Variants in TPPP observed in about 807,000 individuals in gnomAD.
TPPP encodes tubulin polymerization-promoting protein.
Under a neutral mutation model 15.5 loss-of-function variants are expected in TPPP, and 6 were observed. That is an observed-to-expected ratio of 0.39 (90% confidence interval 0.21 to 0.77). TPPP has a LOEUF of 0.77. Among genes scored for constraint, TPPP ranks in the 30% least tolerant of loss-of-function variants. The probability of loss-of-function intolerance (pLI) is 0.42; values close to 1 mark genes in which losing one functional copy is unlikely to be tolerated. For missense variants in TPPP, 269 were observed against 307.2 expected (o/e 0.88, Z 0.93); for synonymous variants, 146 against 133.9 (o/e 1.09, Z -0.63).
At position 664,801 on chromosome 5, in the gene TPPP, A is replaced by C; in HGVS notation, c.*301T>G. 1 of 350,164 alleles carries C rather than the reference A, an allele frequency of 2.9e-6. No homozygotes were observed. The highest frequency in any genetic ancestry group is 2.1e-5 in the African/African-American group (1 of 47,900). The allele number at this position is 350,164 out of a possible 1,614,324, so 21.7% of individuals were successfully genotyped here. On this transcript the variant is annotated 3_prime_UTR_variant, in exon 4 of 4. Coordinates refer to ENST00000360578, the MANE Select transcript of TPPP (RefSeq NM_007030.3). ...CCAGCTGCTTTAAAACGCCCCTTTG[A>C]CCTGCAAACCACGTGCCCAGTGTGG...
intron 2 of TPPP, among the ~76,000 whole-genome samples, chr5:670,794 G>A (rs77015126): frequency 0.13 from 19,133 of 152,256 alleles, 1,507 homozygotes; most frequent in Non-Finnish European, 0.18. Context: ...TCCCGGGGCC[G>A]ACAGAGGTCG....
At position 659,928 on chromosome 5, in the gene TPPP, CAGG is replaced by C. The variant is rs1739510399; in HGVS notation, c.*5171_*5173del. 1 of 152,400 alleles carries C rather than the reference CAGG, an allele frequency of 6.6e-6. No individual in the cohort carries two copies. Among genetic ancestry groups the C allele is most frequent in the Non-Finnish European group, 1.5e-5 (1 of 68,064 alleles). 9.4% of individuals were successfully genotyped at this position (152,400 alleles called of 1,614,324 possible). ...CACACAATGTTAACGACAGCAGACA[CAGG>C]AGCAGTGTGCACACAGACACGAGCT... On this transcript the variant is annotated 3_prime_UTR_variant, in exon 4 of 4. Transcript: ENST00000360578.
At chr5:694,666 TG>T (rs1484117980), upstream of TPPP, among the ~76,000 whole-genome samples, 1 of 51,688 alleles carries the variant, frequency 1.9e-5, no homozygotes, top group African/African-American at 4.9e-5. Flanking sequence ...CACTCGCAGC[TG>T]GGAAGTCGGG....
chr5:666,250 G>T, intron 2 of TPPP, 127 bp from the exon 3 acceptor site: 2 of 1,070,244 alleles, frequency 1.9e-6, no homozygotes, highest in East Asian at 2.5e-5. Flanking sequence ...ACAGGCGGCC[G>T]CCCTGGTAGC....
intron 3 of TPPP, 149 bp from the exon 4 acceptor site, chr5:665,445 AT>A: frequency 1.4e-6 from 1 of 736,502 alleles, no homozygotes. Context: ...TTTAATTCTT[AT>A]TTTTACCTCT....
At chr5:672,676 C>T (rs1214335196) in intron 2 of TPPP, among the ~76,000 whole-genome samples, 5 of 152,330 alleles carry the variant, frequency 3.3e-5, no homozygotes, top group East Asian at 1.9e-4. Context: ...TCCCCAGGCT[C>T]GAGGAGGCGC....
intron 2 of TPPP, among the ~76,000 whole-genome samples, chr5:674,172 GC>G (rs1740323792): frequency 1.3e-5 from 2 of 152,196 alleles, no homozygotes; most frequent in Non-Finnish European, 1.5e-5. Flanking sequence ...ACACCGCTTT[GC>G]CCCGGGTCTG....
rs1321240467 is a variant in TPPP, at chr5:682,647, G to A, written c.-4-4583C>T. On this transcript the variant is annotated intron_variant, in intron 1 of 3. Transcript: ENST00000360578. Reference sequence around the variant, plus strand: ...ACTAGCGCCAGGGGTCTGCCCCTTGGGCCTGGAGCCTGTAACTAGGGCCTG... The same window carrying A: ...ACTAGCGCCAGGGGTCTGCCCCTTGAGCCTGGAGCCTGTAACTAGGGCCTG... 4.7e-5 allele frequency among the ~76,000 whole-genome samples: 7 copies of A among 147,766 alleles called. No homozygotes were observed. The East Asian group carries it at 6.0e-4, about 13-fold the overall frequency.
At chr5:668,938 G>C (rs1302589194) in intron 2 of TPPP, among the ~76,000 whole-genome samples, 3 of 152,206 alleles carry the variant, frequency 2.0e-5, no homozygotes, top group Non-Finnish European at 2.9e-5. Flanking sequence ...GTGATTCCCA[G>C]ACCCCAAGGC....
chr5:659,901 G>A lies in TPPP; in HGVS notation c.*5201C>T, dbSNP rs966280838. ...CCTTTATTTGTCACTTTACCAACTT[G>A]ACACACAATGTTAACGACAGCAGAC... On this transcript the variant is annotated 3_prime_UTR_variant, in exon 4 of 4. Transcript: ENST00000360578. The A allele has an allele frequency of 8.5e-5, 13 of 152,322 alleles. No homozygotes were observed. Among genetic ancestry groups the A allele is most frequent in the African/African-American group, 3.1e-4 (13 of 41,454 alleles). The allele number at this position is 152,322 out of a possible 1,614,324, so 9.4% of individuals were successfully genotyped here.
At chr5:682,008 C>A (rs1579194785) in intron 1 of TPPP, among the ~76,000 whole-genome samples, 1 of 151,784 alleles carries the variant, frequency 6.6e-6, no homozygotes, top group East Asian at 1.9e-4. Flanking sequence ...TGTCCCTGTT[C>A]CCAAGAGGCC....
intron 1 of TPPP, among the ~76,000 whole-genome samples, chr5:686,929 C>T (rs1191509197): frequency 7.0e-6 from 1 of 143,100 alleles, no homozygotes; most frequent in African/African-American, 2.5e-5. Flanking sequence ...GTCTTGGAAG[C>T]AGGGAAGGGC....
At chr5:697,522 G>A (rs1440311977), upstream of TPPP, among the ~76,000 whole-genome samples, 2 of 152,172 alleles carry the variant, frequency 1.3e-5, no homozygotes, top group Non-Finnish European at 2.9e-5. Flanking sequence ...AGGAACTTGT[G>A]TCTGCAGTGG....
intron 1 of TPPP, among the ~76,000 whole-genome samples, chr5:682,271 C>A (rs1455682934): frequency 1.4e-5 from 2 of 143,630 alleles, no homozygotes; most frequent in East Asian, 3.9e-4. Flanking sequence ...GAACAGGGGT[C>A]TCGCACTTGG....
At chr5:671,599 G>A (rs1406998451) in intron 2 of TPPP, among the ~76,000 whole-genome samples, 2 of 152,244 alleles carry the variant, frequency 1.3e-5, no homozygotes, top group Non-Finnish European at 2.9e-5. Context: ...AGTGCTCTGG[G>A]GATTGCTGGT....
chr5:674,436 C>T (rs1740334934), intron 2 of TPPP, among the ~76,000 whole-genome samples: 1 of 150,860 alleles, frequency 6.6e-6, no homozygotes, highest in Admixed American at 6.6e-5. Context: ...ACACTGCGAA[C>T]CCCACCTGCT....
intron 1 of TPPP, among the ~76,000 whole-genome samples, chr5:678,746 G>A (rs1193424992): frequency 2.6e-5 from 4 of 152,120 alleles, no homozygotes; most frequent in African/African-American, 9.7e-5. Context: ...TGGGGGCACC[G>A]GTGTCAGGGC....
intron 2 of TPPP, among the ~76,000 whole-genome samples, chr5:670,227 G>T (rs992624927): frequency 6.6e-6 from 1 of 152,182 alleles, no homozygotes; most frequent in Admixed American, 6.5e-5. Context: ...CTGGGCTCGG[G>T]ACTGTGCATC....
intron 3 of TPPP, among the ~76,000 whole-genome samples, chr5:665,740 G>A (rs1190122087): frequency 9.1e-6 from 1 of 110,018 alleles, no homozygotes; most frequent in Non-Finnish European, 1.8e-5. Flanking sequence ...TCCTGACCAC[G>A]CCTCCCCAGG....
Sources: gnomAD v4.1 joint callset for allele counts (sites outside exome capture counted in the v4.1 genomes callset) on GRCh38, gnomAD v4.1.1 for gene constraint, MANE v1.5 for transcripts, NCBI Gene and HGNC (gene_info 2026-07-23, HGNC 2026-07-21) for gene names.